Variants in MAGI2 observed in about 807,000 individuals in gnomAD.
MAGI2 encodes membrane-associated guanylate kinase, WW and PDZ domain-containing protein 2.
Under a neutral mutation model 133.3 loss-of-function variants are expected in MAGI2, and 35 were observed. That is an observed-to-expected ratio of 0.26 (90% CI 0.20 to 0.35). The LOEUF (loss-of-function observed/expected upper bound fraction) is 0.35. Ranked by LOEUF, MAGI2 falls within the 10% of genes least tolerant of loss-of-function variation. The pLI is 1.00. For synonymous variants in MAGI2, 729 were observed against 710.6 expected (o/e 1.03, Z -0.41); for missense variants, 1,636 against 1,863.4 (o/e 0.88, Z 2.25).
chr7:79,407,890 A>G (rs1845915548), intron 1 of MAGI2, among the ~76,000 whole-genome samples: 8 of 152,086 alleles, frequency 5.3e-5, no homozygotes, highest in Admixed American at 3.9e-4. Context: ...CTGTTTCTAT[A>G]TTGACATATT....
At chr7:78,053,176 C>T (rs1264918894) in intron 21 of MAGI2, among the ~76,000 whole-genome samples, 1 of 152,102 alleles carries the variant, frequency 6.6e-6, no homozygotes, top group Admixed American at 6.5e-5. Context: ...AAAAAGAGAG[C>T]CCATTAGAGC....
rs149255106 is a variant in MAGI2, at chr7:78,476,969, T to C, written c.1045+12792A>G. On this transcript the variant is annotated intron_variant, in intron 6 of 21. Transcript: ENST00000354212. ...GCATAGCATTTAGGAAACCTCAAAATTACATGTACTGAGAGGGAAATCAGA... is the reference window on the plus strand; with the variant it reads ...GCATAGCATTTAGGAAACCTCAAAACTACATGTACTGAGAGGGAAATCAGA... 2.8e-3 allele frequency among the ~76,000 whole-genome samples: 426 copies of C among 152,038 alleles called. 5 individuals are homozygous for C. Among genetic ancestry groups the C allele is most frequent in the African/African-American group, 9.8e-3 (406 of 41,516 alleles).
chr7:78,606,344 A>T (rs1158565827), intron 3 of MAGI2, among the ~76,000 whole-genome samples: 1 of 152,136 alleles, frequency 6.6e-6, no homozygotes, highest in Non-Finnish European at 1.5e-5. Flanking sequence ...GAAAAGAATT[A>T]AGACCCTCTT....
intron 7 of MAGI2, chr7:78,347,337 C>T (rs745546526): frequency 6.6e-5 from 10 of 152,314 alleles, no homozygotes; most frequent in Admixed American, 4.6e-4. Flanking sequence ...GTAAGTCAAC[C>T]GTAAGATCTA....
At chr7:79,095,927 A>T (rs1317797131) in intron 1 of MAGI2, among the ~76,000 whole-genome samples, 1 of 152,170 alleles carries the variant, frequency 6.6e-6, no homozygotes, top group Non-Finnish European at 1.5e-5. Flanking sequence ...ATCTGTAAAA[A>T]CGACAGTATC....
At chr7:78,707,854 C>T (rs1322307495) in intron 2 of MAGI2, among the ~76,000 whole-genome samples, 1 of 152,010 alleles carries the variant, frequency 6.6e-6, no homozygotes, top group Non-Finnish European at 1.5e-5. Flanking sequence ...AACCTTGGGG[C>T]TTAGTGCAGT....
intron 16 of MAGI2, among the ~76,000 whole-genome samples, chr7:78,140,736 G>A (rs116116495): frequency 0.017 from 2,643 of 152,262 alleles, 82 homozygotes; most frequent in African/African-American, 0.06. Context: ...GGTTGGAGCA[G>A]AAGGGTCAAT....
intron 2 of MAGI2, among the ~76,000 whole-genome samples, chr7:78,958,618 G>T (rs1479397794): frequency 6.6e-6 from 1 of 152,102 alleles, no homozygotes. Context: ...CAGGGATTGT[G>T]CTTAACATTT....
chr7:78,310,183 T>C (rs1280152003), intron 9 of MAGI2, among the ~76,000 whole-genome samples: 3 of 152,196 alleles, frequency 2.0e-5, no homozygotes, highest in African/African-American at 7.2e-5. Context: ...ACAACTGTAA[T>C]CCCAGCACTT....
At chr7:78,163,508 G>C (rs1825301698) in intron 15 of MAGI2, among the ~76,000 whole-genome samples, 1 of 152,298 alleles carries the variant, frequency 6.6e-6, no homozygotes, top group East Asian at 1.9e-4. Context: ...ACTGTGCTAA[G>C]AGAGGGTCTC....
chr7:78,351,202 T>C (rs112486558), intron 7 of MAGI2, among the ~76,000 whole-genome samples: 2,681 of 152,082 alleles, frequency 0.018, 78 homozygotes, highest in African/African-American at 0.061. Context: ...CCAGCTTCAC[T>C]CTCCTGTAAA....
chr7:78,614,910 A>T (rs1038360888), intron 3 of MAGI2: 6 of 152,196 alleles, frequency 3.9e-5, no homozygotes, highest in Non-Finnish European at 7.3e-5. Flanking sequence ...CTTTCTGCAC[A>T]TAACGTTTTC....
chr7:78,556,583 C>A (rs570980439), intron 3 of MAGI2, among the ~76,000 whole-genome samples: 1 of 152,216 alleles, frequency 6.6e-6, no homozygotes. Flanking sequence ...GAAGCAATAC[C>A]CTCTCTATCT....
At chr7:79,170,758 T>A (rs1825459324) in intron 1 of MAGI2, among the ~76,000 whole-genome samples, 1 of 152,028 alleles carries the variant, frequency 6.6e-6, no homozygotes, top group Admixed American at 6.6e-5. Context: ...AATATACAGA[T>A]CTGTCAGCAG....
At chr7:78,116,919 T>A (rs540995707) in intron 20 of MAGI2, among the ~76,000 whole-genome samples, 5 of 151,466 alleles carry the variant, frequency 3.3e-5, no homozygotes, top group Non-Finnish European at 7.4e-5. Context: ...ATAAAAAGTT[T>A]GAAAACTAAG....
chr7:78,277,678 G>C (rs541220483), intron 9 of MAGI2, among the ~76,000 whole-genome samples: 1 of 152,254 alleles, frequency 6.6e-6, no homozygotes, highest in Admixed American at 6.5e-5. Context: ...CTGATTACCT[G>C]TTTACAACGT....
chr7:78,511,552 T>TAA (rs1491468471), intron 4 of MAGI2, among the ~76,000 whole-genome samples: 2 of 68,154 alleles, frequency 2.9e-5, no homozygotes, highest in African/African-American at 1.2e-4. Context: ...TATATATAAA[T>TAA]TTTTTTTTTT....
intron 1 of MAGI2, among the ~76,000 whole-genome samples, chr7:79,202,564 A>C (rs192283672): frequency 9.7e-4 from 146 of 150,518 alleles, no homozygotes; most frequent in Non-Finnish European, 2.0e-3. Flanking sequence ...TATTAAAGAC[A>C]CATACTATAT....
intron 2 of MAGI2, among the ~76,000 whole-genome samples, chr7:78,751,811 C>T (rs549636606): frequency 2.0e-4 from 30 of 152,296 alleles, no homozygotes; most frequent in African/African-American, 6.0e-4. Context: ...AGGTAAGTAT[C>T]CCAGTGTTCT....
Sources: gnomAD v4.1 joint callset for allele counts (sites outside exome capture counted in the v4.1 genomes callset) on GRCh38, gnomAD v4.1.1 for gene constraint, MANE v1.5 for transcripts, NCBI Gene and HGNC (gene_info 2026-07-23, HGNC 2026-07-21) for gene names.